The following MBNL1 variants were observed in gnomAD, a reference collection of about 807,000 sequenced individuals.
MBNL1 encodes muscleblind-like protein 1.
MBNL1 carries 8 observed loss-of-function variants against 42.2 expected under a neutral mutation model. The observed-to-expected ratio is 0.19, with a 90% CI of 0.11 to 0.34. The LOEUF is 0.34. Among genes scored for constraint, MBNL1 ranks in the 10% least tolerant of loss-of-function variants. MBNL1 has a pLI of 1.00. For missense variants in MBNL1, 309 were observed against 495.3 expected (o/e 0.62, Z 3.57); for synonymous variants, 169 against 173.9 (o/e 0.97, Z 0.22).
intron 2 of MBNL1, among the ~76,000 whole-genome samples, chr3:152,320,680 T>C (rs1050956460): frequency 7.2e-6 from 1 of 139,336 alleles, no homozygotes; most frequent in Non-Finnish European, 1.7e-5. Flanking sequence ...CAGTTTTTTC[T>C]TTCTTTTTTT....
chr3:152,392,010 A>G lies in MBNL1; in HGVS notation c.175-22931A>G, dbSNP rs144561154. On this transcript the variant is annotated intron_variant, in intron 2 of 9. Coordinates refer to ENST00000324210, the MANE Select transcript of MBNL1 (RefSeq NM_021038.5). ...GTTTCTATAATATCAATAAATTGCA[A>G]ACTGTCGTTTCTTTTACTGAACATG... Among the ~76,000 whole-genome samples the G allele has an allele frequency of 2.5e-3, 378 of 152,328 alleles. 4 individuals carry two copies. The highest frequency in any genetic ancestry group is 8.7e-3 in the African/African-American group (363 of 41,582).
rs1286408271 is a variant in MBNL1 at position 152,299,864 on chromosome 3, A to C, written c.-330A>C. The C allele has an allele frequency of 2.5e-6, 1 of 401,414 alleles. No homozygotes were observed. The highest frequency in any genetic ancestry group is 3.6e-5 in the East Asian group (1 of 28,144). The allele number at this position is 401,414 out of a possible 1,614,324, so 24.9% of individuals were successfully genotyped here. A position where few individuals can be genotyped will look rare whatever the true frequency, so the allele number is the denominator to read the frequency against. On this transcript the variant is annotated 5_prime_UTR_variant, in exon 2 of 10. Transcript: ENST00000324210. Reference sequence around the variant, plus strand: ...TTTCATGCTTGCATTTTGGGCTCCAAATTGGCACTGGGAAGGGGTTACTGA... The same window carrying C: ...TTTCATGCTTGCATTTTGGGCTCCACATTGGCACTGGGAAGGGGTTACTGA...
chr3:152,460,539 C>T (rs1460639327), intron 9 of MBNL1, among the ~76,000 whole-genome samples: 3 of 149,254 alleles, frequency 2.0e-5, no homozygotes, highest in Non-Finnish European at 3.0e-5. Context: ...GGGTGCAGCG[C>T]ACCAGCATGG....
At chr3:152,342,211 C>T (rs2093394166) in intron 2 of MBNL1, among the ~76,000 whole-genome samples, 1 of 152,054 alleles carries the variant, frequency 6.6e-6, no homozygotes, top group Admixed American at 6.6e-5. Flanking sequence ...TCAAATCAGT[C>T]CTAACCCTTT....
At chr3:152,443,495 C>CACACACACACACACAT (rs2099172620) in intron 4 of MBNL1, among the ~76,000 whole-genome samples, 1 of 151,874 alleles carries the variant, frequency 6.6e-6, no homozygotes, top group Admixed American at 6.6e-5. Flanking sequence ...TACACACACA[C>CACACACACACACACAT]ACACACACAC....
chr3:152,450,037 G>A (rs1167229438), intron 6 of MBNL1, among the ~76,000 whole-genome samples: 1 of 149,494 alleles, frequency 6.7e-6, no homozygotes, highest in Non-Finnish European at 1.5e-5. Flanking sequence ...CCTGGGAGGC[G>A]GAGCAGTGAG....
chr3:152,461,300 A>G (rs1745355221), intron 9 of MBNL1, among the ~76,000 whole-genome samples: 1 of 152,186 alleles, frequency 6.6e-6, no homozygotes, highest in Non-Finnish European at 1.5e-5. Flanking sequence ...ATTTTTGTCT[A>G]TTTCATAAGT....
intron 2 of MBNL1, among the ~76,000 whole-genome samples, chr3:152,322,229 A>G (rs1238967283): frequency 6.6e-6 from 1 of 152,106 alleles, no homozygotes; most frequent in Non-Finnish European, 1.5e-5. Context: ...TAAGCCTAAC[A>G]CATTGTAGCC....
At chr3:152,317,940 G>T (rs1247027439) in intron 2 of MBNL1, among the ~76,000 whole-genome samples, 1 of 152,182 alleles carries the variant, frequency 6.6e-6, no homozygotes, top group Non-Finnish European at 1.5e-5. Context: ...TGCAACAAAT[G>T]AATAGATTAG....
intron 2 of MBNL1, chr3:152,338,611 T>G (rs767103571): frequency 2.8e-5 from 28 of 985,234 alleles, no homozygotes; most frequent in Non-Finnish European, 3.4e-5. Flanking sequence ...AGAGAATGGC[T>G]GTTTGACATA....
Position 152,410,575 on chromosome 3 carries a change from C to T in MBNL1, c.175-4366C>T, listed in dbSNP as rs886163236. Among the ~76,000 whole-genome samples, 7 of 152,154 alleles carry T rather than the reference C, an allele frequency of 4.6e-5. No homozygotes were observed. In the South Asian group the frequency reaches 1.4e-3, roughly 31 times the overall value. On this transcript the variant is annotated intron_variant, in intron 2 of 9. Transcript: ENST00000324210. ...GTTGGATTAATTCTATTTTAAAAGC[C>T]TCCTTGAATGGAGCCTAAGGGATCT...
intron 3 of MBNL1, among the ~76,000 whole-genome samples, chr3:152,419,417 C>T (rs1358215580): frequency 2.0e-5 from 3 of 152,064 alleles, no homozygotes; most frequent in Non-Finnish European, 4.4e-5. Flanking sequence ...TGGTGCAGCC[C>T]ACAGAGGGTA....
At chr3:152,263,821 T>C (rs2036723662), upstream of MBNL1, 3 of 152,220 alleles carry the variant, frequency 2.0e-5, no homozygotes, top group Non-Finnish European at 4.4e-5. Context: ...GCTTTGCATT[T>C]TGAGTGTGAT....
At chr3:152,354,247 G>C (rs2095335350) in intron 2 of MBNL1, among the ~76,000 whole-genome samples, 1 of 152,136 alleles carries the variant, frequency 6.6e-6, no homozygotes, top group African/African-American at 2.4e-5. Context: ...TTGAGCCCAG[G>C]AGTTTAAGAC....
intron 2 of MBNL1, among the ~76,000 whole-genome samples, chr3:152,258,419 G>A (rs1028664432): frequency 5.3e-5 from 8 of 152,146 alleles, no homozygotes; most frequent in African/African-American, 1.4e-4. Flanking sequence ...ATGTCTAATA[G>A]CCAAGGCCAT....
chr3:152,307,797 A>G (rs2064008738), intron 2 of MBNL1, among the ~76,000 whole-genome samples: 1 of 152,244 alleles, frequency 6.6e-6, no homozygotes, highest in Non-Finnish European at 1.5e-5. Flanking sequence ...TAACAGCAGT[A>G]CTTAAGAATA....
chr3:152,307,279 G>A (rs77722855), intron 2 of MBNL1, among the ~76,000 whole-genome samples: 2,328 of 152,178 alleles, frequency 0.015, 56 homozygotes, highest in African/African-American at 0.053. Context: ...GTGAGTCACC[G>A]CGCCCAGCCT....
At chr3:152,343,078 A>G (rs190363303) in intron 2 of MBNL1, among the ~76,000 whole-genome samples, 48 of 152,228 alleles carry the variant, frequency 3.2e-4, no homozygotes, top group Non-Finnish European at 5.3e-4. Flanking sequence ...CCTCTCTGAA[A>G]GGTCAGTGGA....
rs77015040 is a variant in MBNL1 at position 152,377,895 on chromosome 3, A to T, written c.175-37046A>T. Among the ~76,000 whole-genome samples, 121 of 152,340 alleles carry T rather than the reference A, an allele frequency of 7.9e-4. No homozygotes were observed. The East Asian group carries it at 0.023, about 28-fold the overall frequency. On this transcript the variant is annotated intron_variant, in intron 2 of 9. Coordinates refer to ENST00000324210, the MANE Select transcript of MBNL1 (RefSeq NM_021038.5). ...TATGACTTGACATGAAATGGAGTAT[A>T]ACAAAACCAATTGTTTTTCTCATTA... is the stretch of plus-strand genomic sequence containing the variant.
Sources: gnomAD v4.1 joint callset for allele counts (sites outside exome capture counted in the v4.1 genomes callset) on GRCh38, gnomAD v4.1.1 for gene constraint, MANE v1.5 for transcripts, NCBI Gene and HGNC (gene_info 2026-07-23, HGNC 2026-07-21) for gene names.